PAG1: variants seen among roughly 807,000 people sequenced by gnomAD.
PAG1 encodes the protein phosphoprotein membrane anchor with glycosphingolipid microdomains 1.
PAG1 carries 23 observed loss-of-function variants against 31.7 expected under a neutral mutation model. The observed-to-expected ratio is 0.73, with a 90% CI of 0.52 to 1.03. The LOEUF (loss-of-function observed/expected upper bound fraction) is 1.03. Among genes scored for constraint, PAG1 ranks in the 50% least tolerant of loss-of-function variants. The pLI is 0.00. For missense variants in PAG1, 473 were observed against 540.7 expected (o/e 0.87, Z 1.24); for synonymous variants, 214 against 210.3 (o/e 1.02, Z -0.15).
intron 3 of PAG1, among the ~76,000 whole-genome samples, chr8:81,022,511 G>A (rs1001753561): frequency 2.6e-4 from 39 of 152,228 alleles, no homozygotes; most frequent in African/African-American, 9.1e-4. Flanking sequence ...AATAGTAGAT[G>A]TAAAATTTAC....
intron 1 of PAG1, among the ~76,000 whole-genome samples, chr8:81,103,457 C>T (rs1809642113): frequency 6.6e-6 from 1 of 152,184 alleles, no homozygotes; most frequent in Non-Finnish European, 1.5e-5. Flanking sequence ...AACCCTGTAT[C>T]TCAGTTTCCT....
intron 1 of PAG1, among the ~76,000 whole-genome samples, chr8:81,079,345 A>G (rs1809229003): frequency 6.6e-6 from 1 of 152,098 alleles, no homozygotes; most frequent in Non-Finnish European, 1.5e-5. Flanking sequence ...ACAAAAACAA[A>G]AACACTTCTG....
chr8:80,998,532 C>G (rs145104469), intron 3 of PAG1, among the ~76,000 whole-genome samples: 5 of 151,932 alleles, frequency 3.3e-5, no homozygotes, highest in African/African-American at 1.2e-4. Flanking sequence ...GTGCCTTATG[C>G]TTGGCATTTG....
At chr8:81,012,479 A>G (rs994004624) in intron 3 of PAG1, among the ~76,000 whole-genome samples, 5 of 152,230 alleles carry the variant, frequency 3.3e-5, no homozygotes, top group African/African-American at 1.2e-4. Flanking sequence ...TGCAACATGC[A>G]CAGTTCAGTG....
At chr8:81,044,600 C>T (rs1174669404) in intron 2 of PAG1, among the ~76,000 whole-genome samples, 2 of 152,174 alleles carry the variant, frequency 1.3e-5, no homozygotes, top group Non-Finnish European at 2.9e-5. Context: ...CTAAGCCACC[C>T]AATTTGCTTG....
At chr8:81,014,857 G>A (rs1050958600) in intron 3 of PAG1, among the ~76,000 whole-genome samples, 12 of 152,166 alleles carry the variant, frequency 7.9e-5, no homozygotes, top group Non-Finnish European at 1.6e-4. Context: ...AGGTGCAATC[G>A]GGCGGATAGA....
intron 3 of PAG1, among the ~76,000 whole-genome samples, chr8:81,024,231 C>G (rs1448801003): frequency 6.6e-6 from 1 of 152,218 alleles, no homozygotes; most frequent in Non-Finnish European, 1.5e-5. Context: ...CCTGGGACAG[C>G]TTTGCATCGC....
At position 80,999,089 on chromosome 8, in the gene PAG1, G is replaced by C. The variant is rs147797712; in HGVS notation, c.-80-5782C>G. Among the ~76,000 whole-genome samples, 4 of 152,296 alleles carry C rather than the reference G, an allele frequency of 2.6e-5. No individual in the cohort carries two copies. In the East Asian group the frequency reaches 7.7e-4, roughly 29 times the overall value. On this transcript the variant is annotated intron_variant, in intron 3 of 8. Transcript: ENST00000220597. ...CACAGGCTAAGATGAAATAAACTCT[G>C]AACAGAATCCTCAAGCCCCAGAAAG... is the stretch of plus-strand genomic sequence containing the variant.
At chr8:81,017,123 A>G (rs1248757869) in intron 3 of PAG1, among the ~76,000 whole-genome samples, 6 of 152,184 alleles carry the variant, frequency 3.9e-5, no homozygotes, top group Non-Finnish European at 8.8e-5. Context: ...AGCTAAATAC[A>G]TGTTCATCTA....
In PAG1 at chr8:81,032,019, A is replaced by G. The variant is rs561073593; in HGVS notation, c.-174-1930T>C. Among the ~76,000 whole-genome samples, 5 of 152,362 alleles carry G rather than the reference A, an allele frequency of 3.3e-5. No individual in the cohort carries two copies. In the East Asian group the frequency reaches 7.7e-4, roughly 23 times the overall value. On this transcript the variant is annotated intron_variant, in intron 2 of 8. Transcript: ENST00000220597. ...CTGGAACAACTAGACAGCCATATATAAAAGAATAAAGTTGGATCCTTAACT... is the reference window on the plus strand; with the variant it reads ...CTGGAACAACTAGACAGCCATATATGAAAGAATAAAGTTGGATCCTTAACT...
At chr8:81,017,076 G>T (rs1474619393) in intron 3 of PAG1, among the ~76,000 whole-genome samples, 1 of 152,122 alleles carries the variant, frequency 6.6e-6, no homozygotes, top group Admixed American at 6.6e-5. Context: ...GGATTGCCCA[G>T]CTGAGCCCAG....
chr8:80,989,318 G>A (rs1196628564), intron 5 of PAG1, among the ~76,000 whole-genome samples: 1 of 152,152 alleles, frequency 6.6e-6, no homozygotes, highest in Non-Finnish European at 1.5e-5. Context: ...TGTGGGGAAG[G>A]AAGACTCCCA....
chr8:81,018,463 G>A (rs1391631401), intron 3 of PAG1, among the ~76,000 whole-genome samples: 1 of 152,212 alleles, frequency 6.6e-6, no homozygotes, highest in African/African-American at 2.4e-5. Context: ...GTTTGGCTGT[G>A]TCCCCACCTA....
chr8:80,982,276 T>C (rs993927445), intron 7 of PAG1, among the ~76,000 whole-genome samples: 2 of 152,148 alleles, frequency 1.3e-5, no homozygotes, highest in African/African-American at 4.8e-5. Context: ...TTTCTGCCTC[T>C]ACCATTCCAC....
At chr8:81,094,966 C>T (rs572039115) in intron 1 of PAG1, among the ~76,000 whole-genome samples, 4 of 152,282 alleles carry the variant, frequency 2.6e-5, no homozygotes, top group Admixed American at 1.3e-4. Flanking sequence ...AGGAAAAATA[C>T]GTTTTTCTTA....
At chr8:81,093,542 C>G (rs1326535856) in intron 1 of PAG1, among the ~76,000 whole-genome samples, 1 of 152,032 alleles carries the variant, frequency 6.6e-6, no homozygotes, top group Non-Finnish European at 1.5e-5. Flanking sequence ...GTTCCTCTTT[C>G]ACTTAGACAC....
At chr8:81,050,105 G>C (rs976880531) in intron 2 of PAG1, among the ~76,000 whole-genome samples, 1 of 152,074 alleles carries the variant, frequency 6.6e-6, no homozygotes, top group African/African-American at 2.4e-5. Context: ...AACAAAACTA[G>C]GGAAAACTGC....
At chr8:81,031,462 A>G (rs989604812) in intron 2 of PAG1, among the ~76,000 whole-genome samples, 1 of 152,224 alleles carries the variant, frequency 6.6e-6, no homozygotes, top group Non-Finnish European at 1.5e-5. Flanking sequence ...CCATGCAGAT[A>G]TATTTAGATG....
At chr8:81,109,102 G>C (rs1809736563) in intron 1 of PAG1, among the ~76,000 whole-genome samples, 1 of 152,140 alleles carries the variant, frequency 6.6e-6, no homozygotes, top group Non-Finnish European at 1.5e-5. Context: ...CTCTCTGAAT[G>C]CATGAATAGA....
Sources: gnomAD v4.1 joint callset for allele counts (sites outside exome capture counted in the v4.1 genomes callset) on GRCh38, gnomAD v4.1.1 for gene constraint, MANE v1.5 for transcripts, NCBI Gene and HGNC (gene_info 2026-07-23, HGNC 2026-07-21) for gene names.